The following RSRC2 variants were observed in gnomAD, a reference collection of about 807,000 sequenced individuals.
RSRC2 encodes arginine/serine-rich coiled-coil protein 2.
Under a neutral mutation model 61.3 loss-of-function variants are expected in RSRC2, and 5 were observed. That is an observed-to-expected ratio of 0.08 (90% CI 0.04 to 0.17). RSRC2 has a LOEUF of 0.17. Ranked by LOEUF, RSRC2 falls within the 10% of genes least tolerant of loss-of-function variation. RSRC2 has a pLI of 1.00. For synonymous variants in RSRC2, 202 were observed against 166.5 expected (o/e 1.21, Z -1.64); for missense variants, 381 against 518.8 (o/e 0.73, Z 2.58).
At chr12:122,520,816 A>G in intron 3 of RSRC2, 1 of 309,396 alleles carries the variant, frequency 3.2e-6, no homozygotes, top group Non-Finnish European at 6.4e-6. Flanking sequence ...CAGGTGGGTG[A>G]ACAAGTAACT....
At chr12:122,521,209 A>G (rs1959198144) in intron 3 of RSRC2, 176 bp downstream of exon 3, 6 of 490,550 alleles carry the variant, frequency 1.2e-5, no homozygotes, top group Admixed American at 7.0e-5. Context: ...TACTTTTCAC[A>G]TAAACATCTT....
intron 6 of RSRC2, among the ~76,000 whole-genome samples, chr12:122,512,774 C>T (rs1214864839): frequency 2.0e-5 from 3 of 149,824 alleles, no homozygotes; most frequent in African/African-American, 7.4e-5. Flanking sequence ...TTGAAATTTA[C>T]ATAAAAGAAA....
At chr12:122,516,405 GT>G (rs1214117393) in intron 5 of RSRC2, among the ~76,000 whole-genome samples, 1 of 152,174 alleles carries the variant, frequency 6.6e-6, no homozygotes, top group East Asian at 1.9e-4. Flanking sequence ...ATCTGAGGTA[GT>G]TTGTACAATA....
At chr12:122,519,382 CATA>C (rs1278119346) in intron 3 of RSRC2, 6 of 149,752 alleles carry the variant, frequency 4.0e-5, no homozygotes, top group East Asian at 1.6e-4. Context: ...ATCCAGATTA[CATA>C]ATGTTAAGTT....
At chr12:122,521,071 C>T (rs1375017701) in intron 3 of RSRC2, 2 of 283,732 alleles carry the variant, frequency 7.0e-6, no homozygotes, top group Non-Finnish European at 1.3e-5. Flanking sequence ...CTGTCAGGCA[C>T]CAGGAGACTC....
At chr12:122,508,477 T>TA (rs1366178616) in intron 7 of RSRC2, 30 bp from the exon 8 acceptor site, 2 of 1,525,706 alleles carry the variant, frequency 1.3e-6, no homozygotes, top group African/African-American at 2.7e-5. Flanking sequence ...AAATGGATTT[T>TA]AAAACGATTT....
At chr12:122,513,872 T>C in intron 6 of RSRC2, 1 of 943,448 alleles carries the variant, frequency 1.1e-6, no homozygotes, top group Non-Finnish European at 1.3e-6. Flanking sequence ...GACCCCGTCT[T>C]CTCTACAAAA....
rs762966986 is a variant in RSRC2 at position 122,515,231 on chromosome 12, T to C, written c.603-4A>G. The C allele has an allele frequency of 1.2e-6, 2 of 1,612,022 alleles. No homozygotes were observed. The highest frequency in any genetic ancestry group is 1.7e-5 in the Admixed American group (1 of 59,554). ...TTCAATTCTCTTCTTTCTATCTCTG[T>C]AGTAAATCGTATTTCATATGTCAAA... On this transcript the variant is annotated splice_polypyrimidine_tract_variant and splice_region_variant and intron_variant, in intron 5 of 9. Coordinates refer to ENST00000331738, the MANE Select transcript of RSRC2 (RefSeq NM_023012.6).
In RSRC2 at chr12:122,521,774, T is replaced by C. The variant is rs371490718; in HGVS notation, c.164-346A>G. On this transcript the variant is annotated intron_variant, in intron 2 of 9. Coordinates refer to ENST00000331738, the MANE Select transcript of RSRC2 (RefSeq NM_023012.6). ...GTAAGCCATTAAGAAAAATAAAAAC[T>C]AAAGAAAATAAACAGGTTGAATTAT... is the stretch of plus-strand genomic sequence containing the variant. Among the ~76,000 whole-genome samples, 22 of 152,246 alleles carry C rather than the reference T, an allele frequency of 1.4e-4. No homozygotes were observed. The East Asian group carries it at 2.9e-3, about 20-fold the overall frequency.
At chr12:122,522,116 G>A (rs754365686) in intron 2 of RSRC2, 27 bp downstream of exon 2, 5 of 1,596,302 alleles carry the variant, frequency 3.1e-6, no homozygotes, top group Admixed American at 1.8e-5. Context: ...AATGCTGAGA[G>A]TTGTAACCAC....
chr12:122,512,738 AAG>A (rs1447302568), intron 6 of RSRC2, among the ~76,000 whole-genome samples: 2 of 149,146 alleles, frequency 1.3e-5, no homozygotes, highest in African/African-American at 2.6e-5. Flanking sequence ...AAAAAAAAAA[AAG>A]AGGAAAAGGA....
chr12:122,524,948 G>A (rs572199437), intron 1 of RSRC2, among the ~76,000 whole-genome samples: 15 of 152,218 alleles, frequency 9.9e-5, no homozygotes, highest in Admixed American at 3.3e-4. Flanking sequence ...ATAACGGCTC[G>A]AAACATAGAC....
rs560578607 is a variant in RSRC2, at chr12:122,522,394, C to T, written c.7-95G>A. On this transcript the variant is annotated intron_variant, in intron 1 of 9. Coordinates refer to ENST00000331738, the MANE Select transcript of RSRC2 (RefSeq NM_023012.6). ...GGACAAAGGGAGGGAAGATAGCCCC[C>T]CACAATCAATAAATCAGAATGCCTG... The T allele has an allele frequency of 1.8e-5, 21 of 1,163,864 alleles. No homozygotes were observed. The Admixed American group carries it at 5.4e-4, about 30-fold the overall frequency. The allele number at this position is 1,163,864 out of a possible 1,614,324, so 72.1% of individuals were successfully genotyped here. A position where few individuals can be genotyped will look rare whatever the true frequency, so the allele number is the denominator to read the frequency against.
At chr12:122,524,597 T>C (rs1302460207) in intron 1 of RSRC2, among the ~76,000 whole-genome samples, 2 of 152,200 alleles carry the variant, frequency 1.3e-5, no homozygotes, top group Non-Finnish European at 2.9e-5. Flanking sequence ...TAGGCTAACT[T>C]AAACTTACAT....
intron 3 of RSRC2, chr12:122,520,484 T>C: frequency 7.7e-6 from 10 of 1,296,850 alleles, no homozygotes; most frequent in Non-Finnish European, 1.0e-5. Context: ...GAAATAGGAG[T>C]TTGAATGACT....
At chr12:122,522,531 TC>T (rs1172849313) in intron 1 of RSRC2, 4 of 369,052 alleles carry the variant, frequency 1.1e-5, no homozygotes, top group Middle Eastern at 6.8e-4. Context: ...TCTTTAATTT[TC>T]TAACGATGAT....
In RSRC2 at chr12:122,517,283, T is replaced by G. The variant is rs1050309519; in HGVS notation, c.546A>C (p.Ser182=). The change falls in exon 5 of 10, where the codon TCA becomes TCC. Residue 182 remains serine, a synonymous_variant. Coordinates refer to ENST00000331738, the MANE Select transcript of RSRC2 (RefSeq NM_023012.6). ...TAGTCCTATGCCTGTGTCTTGATCT[T>G]GAGCGGGAACGAGACCTGATCCGCC... ...RKRRIRSRSR[S]RSRHRHRTRS... The G allele has an allele frequency of 1.2e-6, 2 of 1,614,162 alleles. No individual in the cohort carries two copies. Among genetic ancestry groups the G allele is most frequent in the Admixed American group, 3.3e-5 (2 of 60,020 alleles).
chr12:122,511,120 T>G lies in RSRC2; in HGVS notation c.794A>C (p.Glu265Ala). The change falls in exon 7 of 10, where the codon GAA (glutamate) becomes GCA (alanine). Residue 265 changes from glutamate (E) to alanine (A), a missense_variant. Glu to Ala is a moderately radical substitution (Grantham distance 107, BLOSUM62 -1). Around this residue, in one of 4 missense-constraint regions of RSRC2, gnomAD observed 26 missense variants for 27.5 expected, o/e 0.95. Transcript: ENST00000331738. The part of the protein sequence containing the change: ...KEMVEKQKQQ[E>A]IAAAAATGGS... ...ATGAAAAAAATTACCTGCAGCTATT[T>G]CTTGTTGTTTTTGTTTTTCAACCAT... 6.2e-7 allele frequency: 1 copy of G among 1,604,770 alleles called. No homozygotes were observed. The highest frequency in any genetic ancestry group is 8.5e-7 in the Non-Finnish European group (1 of 1,178,508).
At chr12:122,524,778 A>T (rs576920236) in intron 1 of RSRC2, among the ~76,000 whole-genome samples, 1 of 152,284 alleles carries the variant, frequency 6.6e-6, no homozygotes, top group Admixed American at 6.5e-5. Flanking sequence ...CCTACCAAAA[A>T]CTGAGTATTA....
Sources: gnomAD v4.1 joint callset for allele counts (sites outside exome capture counted in the v4.1 genomes callset) on GRCh38, gnomAD v4.1.1 for gene constraint, gnomAD v4.1.1 regional missense constraint, MANE v1.5 for transcripts, NCBI Gene and HGNC (gene_info 2026-07-23, HGNC 2026-07-21) for gene names.